TRPM3: variants seen among roughly 807,000 people sequenced by gnomAD.
The protein encoded by TRPM3 is transient receptor potential cation channel subfamily M member 3.
A neutral mutation model predicts 181.2 loss-of-function variants in TRPM3; 77 were observed. The ratio of observed to expected loss-of-function variants is 0.42; its 90% CI spans 0.35 to 0.51. The LOEUF (loss-of-function observed/expected upper bound fraction) is 0.51. TRPM3 is among the 20% of genes least tolerant of loss of function. The pLI, the probability that TRPM3 is intolerant of heterozygous loss-of-function variation, is 0.01. For missense variants in TRPM3, 1,759 were observed against 2,196.7 expected (o/e 0.80, Z 3.98); for synonymous variants, 745 against 796.4 (o/e 0.94, Z 1.09).
At chr9:71,437,591 C>T (rs1289686857) in intron 1 of TRPM3, among the ~76,000 whole-genome samples, 1 of 152,066 alleles carries the variant, frequency 6.6e-6, no homozygotes, top group African/African-American at 2.4e-5. Context: ...AAAACACCAG[C>T]CGGGCGTGGG....
At position 71,368,163 on chromosome 9, in the gene TRPM3, C is replaced by T. The variant is rs2092401418; in HGVS notation, c.183+78490G>A. On this transcript the variant is annotated intron_variant, in intron 1 of 24. Transcript: ENST00000357533. Reference sequence around the variant, plus strand: ...GTGCCACAGTGACCTTAAAATAAATCCTTTCTTTGCTAAAATGTGATGAGA... The same window carrying T: ...GTGCCACAGTGACCTTAAAATAAATTCTTTCTTTGCTAAAATGTGATGAGA... Among the ~76,000 whole-genome samples, 3 of 151,900 alleles carry T rather than the reference C, an allele frequency of 2.0e-5. No homozygotes were observed. In the South Asian group the frequency reaches 6.2e-4, roughly 32 times the overall value.
chr9:71,438,764 G>T (rs1005365131), intron 1 of TRPM3, among the ~76,000 whole-genome samples: 1 of 152,120 alleles, frequency 6.6e-6, no homozygotes, highest in Admixed American at 6.5e-5. Flanking sequence ...TAATCTAGTG[G>T]GAGAGAGAAG....
At chr9:70,660,891 T>G (rs538146178) in intron 9 of TRPM3, among the ~76,000 whole-genome samples, 2 of 151,932 alleles carry the variant, frequency 1.3e-5, no homozygotes, top group Admixed American at 1.3e-4. Flanking sequence ...CTGAAACTAT[T>G]CCAAATGATA....
chr9:71,109,265 A>AAT (rs1363444111), intron 1 of TRPM3, among the ~76,000 whole-genome samples: 1 of 151,250 alleles, frequency 6.6e-6, no homozygotes, highest in Non-Finnish European at 1.5e-5. Context: ...AATCTCTTTC[A>AAT]ATATATATAT....
chr9:70,964,558 G>A (rs752725128), intron 1 of TRPM3, among the ~76,000 whole-genome samples: 18 of 152,038 alleles, frequency 1.2e-4, no homozygotes, highest in Non-Finnish European at 2.2e-4. Flanking sequence ...AAAAGGCCAG[G>A]AAGAATCTAC....
chr9:70,776,253 A>G (rs2081332013), intron 7 of TRPM3: 1 of 451,578 alleles, frequency 2.2e-6, no homozygotes, highest in Non-Finnish European at 3.9e-6. Context: ...GTAAAAATCA[A>G]TCAAGACAAG....
intron 22 of TRPM3, among the ~76,000 whole-genome samples, chr9:70,561,054 GCC>G (rs1564330620): frequency 6.6e-6 from 1 of 152,156 alleles, no homozygotes. Flanking sequence ...CTTGAAGAAT[GCC>G]CCTTCCTCTC....
rs1432531278 is a variant in TRPM3, at chr9:70,539,936, G to A, written c.3708-2531C>T. On this transcript the variant is annotated intron_variant, in intron 25 of 25. Transcript: ENST00000677713. ...TGCAACCTTAACCTCCTGGGCACAA[G>A]TGATCCTCCTGCTTCAGACTCCCAA... 1.0e-3 allele frequency among the ~76,000 whole-genome samples: 156 copies of A among 152,316 alleles called. 1 individual carries two copies. The highest frequency in any genetic ancestry group is 4.4e-5 in the Non-Finnish European group (3 of 68,030).
At chr9:70,757,598 G>A (rs2077306653) in intron 8 of TRPM3, among the ~76,000 whole-genome samples, 1 of 152,068 alleles carries the variant, frequency 6.6e-6, no homozygotes, top group South Asian at 2.1e-4. Flanking sequence ...ATAAAATACT[G>A]GCAAATCAAA....
chr9:70,677,362 T>A (rs1236780516), intron 9 of TRPM3, among the ~76,000 whole-genome samples: 1 of 152,244 alleles, frequency 6.6e-6, no homozygotes, highest in Non-Finnish European at 1.5e-5. Context: ...GCACACTGCC[T>A]ATTGGGTAGC....
intron 1 of TRPM3, among the ~76,000 whole-genome samples, chr9:71,418,335 C>A (rs2093669193): frequency 6.6e-6 from 1 of 151,874 alleles, no homozygotes; most frequent in Non-Finnish European, 1.5e-5. Flanking sequence ...AGACAGGAAC[C>A]AAGGCAGCTC....
At chr9:71,326,293 A>G (rs1478307682) in intron 1 of TRPM3, among the ~76,000 whole-genome samples, 2 of 152,240 alleles carry the variant, frequency 1.3e-5, no homozygotes, top group South Asian at 2.1e-4. Flanking sequence ...AGAAAAGCCA[A>G]AAGACTACTG....
Position 70,536,122 on chromosome 9 carries a change from T to C in TRPM3, c.4991A>G (p.Lys1664Arg). 6.2e-7 allele frequency: 1 copy of C among 1,614,232 alleles called. No individual in the cohort carries two copies. The highest frequency in any genetic ancestry group is 8.5e-7 in the Non-Finnish European group (1 of 1,180,028). Residue 1664 changes from lysine (K) to arginine (R), a missense_variant, in exon 26 of 26, where the codon AAG becomes AGG. This residue lies in a region of TRPM3 where 612 missense variants were observed against 590.0 expected (regional missense o/e 1.04). Coordinates refer to ENST00000677713, the MANE Select transcript of TRPM3 (RefSeq NM_001366145.2). ...GAGTTTGTCACTGATGGAGAAGCTC[T>C]TCCTGGTGTGTGCATATGGCGCACT... Reference protein sequence around the residue: ...EPSAPYAHTRKSFSISDKLDR... With the variant: ...EPSAPYAHTRRSFSISDKLDR...
At chr9:71,440,388 TGTCTCCCA>T (rs1401335393) in intron 1 of TRPM3, among the ~76,000 whole-genome samples, 1 of 152,226 alleles carries the variant, frequency 6.6e-6, no homozygotes, top group Non-Finnish European at 1.5e-5. Context: ...TCATCTAACT[TGTCTCCCA>T]TTCACTGCAC....
At chr9:71,160,534 T>C (rs189200293) in intron 1 of TRPM3, among the ~76,000 whole-genome samples, 5 of 152,284 alleles carry the variant, frequency 3.3e-5, no homozygotes, top group Admixed American at 1.3e-4. Context: ...CTTCTCACTC[T>C]TTCTAATCTC....
At chr9:70,852,326 C>A (rs749883814) in intron 3 of TRPM3, among the ~76,000 whole-genome samples, 3 of 151,908 alleles carry the variant, frequency 2.0e-5, no homozygotes, top group Non-Finnish European at 4.4e-5. Context: ...CCGATGGGAA[C>A]AGAAAGAATC....
chr9:71,263,068 A>G lies in TRPM3; in HGVS notation c.183+183585T>C, dbSNP rs76797404. ...AAACATGACGATGGCTTTAAGGCAAATTGGAAAAACTAAAAATAACTAATG... is the reference window on the plus strand; with the variant it reads ...AAACATGACGATGGCTTTAAGGCAAGTTGGAAAAACTAAAAATAACTAATG... On this transcript the variant is annotated intron_variant, in intron 1 of 24. Transcript: ENST00000357533. Among the ~76,000 whole-genome samples, 920 of 152,340 alleles carry G rather than the reference A, an allele frequency of 6.0e-3. 13 individuals carry two copies. The highest frequency in any genetic ancestry group is 0.021 in the African/African-American group (872 of 41,576).
intron 5 of TRPM3, among the ~76,000 whole-genome samples, chr9:70,839,380 C>A (rs1415228): frequency 0.53 from 80,344 of 151,884 alleles, 21,877 homozygotes; most frequent in Non-Finnish European, 0.56. Flanking sequence ...GAAGCACACT[C>A]AAGGACAAGT....
intron 1 of TRPM3, among the ~76,000 whole-genome samples, chr9:71,443,269 C>T (rs566478422): frequency 4.0e-4 from 60 of 151,796 alleles, no homozygotes; most frequent in Non-Finnish European, 6.9e-4. Context: ...ATTCATAAAG[C>T]TTCCATTGTA....
Sources: gnomAD v4.1 joint callset for allele counts (sites outside exome capture counted in the v4.1 genomes callset) on GRCh38, gnomAD v4.1.1 for gene constraint, gnomAD v4.1.1 regional missense constraint, MANE v1.5 for transcripts, NCBI Gene and HGNC (gene_info 2026-07-23, HGNC 2026-07-21) for gene names.